Variants in HIVEP3 observed in about 807,000 individuals in gnomAD.
The protein encoded by HIVEP3 is transcription factor HIVEP3.
HIVEP3 carries 49 observed loss-of-function variants against 152.8 expected under a neutral mutation model. The ratio of observed to expected loss-of-function variants is 0.32; its 90% CI spans 0.26 to 0.41. The LOEUF (loss-of-function observed/expected upper bound fraction) is 0.41, where lower values mean the gene tolerates loss of function less well. Among genes scored for constraint, HIVEP3 ranks in the 10% least tolerant of loss-of-function variants. HIVEP3 has a pLI of 1.00. For synonymous variants in HIVEP3, 1,269 were observed against 1,289.0 expected, an observed-to-expected ratio of 0.98 and a Z score of 0.33; for missense variants, 2,790 against 3,103.3, an observed-to-expected ratio of 0.90 and a Z score of 2.40.
chr1:41,559,843 A>T (rs2149087598), intron 5 of HIVEP3, among the ~76,000 whole-genome samples: 2 of 152,350 alleles, frequency 1.3e-5, no homozygotes, highest in South Asian at 4.1e-4. Flanking sequence ...AGCACTTACT[A>T]TGTGCCACGT....
At chr1:41,613,049 G>A (rs7521323) in intron 3 of HIVEP3, among the ~76,000 whole-genome samples, 27 of 152,244 alleles carry the variant, frequency 1.8e-4, no homozygotes, top group African/African-American at 6.3e-4. Context: ...CAGGGCAGAG[G>A]ATTCCCTGGG....
chr1:42,013,141 G>A (rs1392173042), intron 1 of HIVEP3, among the ~76,000 whole-genome samples: 7 of 152,176 alleles, frequency 4.6e-5, no homozygotes. Flanking sequence ...TCCTTGGCTT[G>A]TAGGTGGCTG....
chr1:41,793,763 C>T (rs1212729578), intron 1 of HIVEP3, among the ~76,000 whole-genome samples: 1 of 152,148 alleles, frequency 6.6e-6, no homozygotes, highest in Non-Finnish European at 1.5e-5. Flanking sequence ...CCAGAAGGGT[C>T]TTAGCATATA....
intron 2 of HIVEP3, among the ~76,000 whole-genome samples, chr1:41,648,055 C>T (rs566463552): frequency 5.3e-5 from 8 of 152,228 alleles, no homozygotes; most frequent in Non-Finnish European, 1.2e-4. Flanking sequence ...CCTACCTTCT[C>T]CAAAAGCCCC....
chr1:41,802,077 T>C (rs187035066), intron 1 of HIVEP3, among the ~76,000 whole-genome samples: 10 of 152,310 alleles, frequency 6.6e-5, no homozygotes, highest in African/African-American at 1.9e-4. Flanking sequence ...GTTCAAACTC[T>C]GCTCAATGCT....
At chr1:41,594,848 C>T (rs2149118926) in intron 3 of HIVEP3, among the ~76,000 whole-genome samples, 1 of 152,296 alleles carries the variant, frequency 6.6e-6, no homozygotes, top group East Asian at 1.9e-4. Flanking sequence ...TTTTTTCCCT[C>T]CTTTCCTCTC....
chr1:41,922,921 C>T (rs1644948958), upstream of HIVEP3, among the ~76,000 whole-genome samples: 1 of 151,894 alleles, frequency 6.6e-6, no homozygotes. Flanking sequence ...CCTCTTCTTC[C>T]CAAGACCACA....
chr1:41,815,743 C>A (rs909944384), intron 1 of HIVEP3, among the ~76,000 whole-genome samples: 2 of 137,268 alleles, frequency 1.5e-5, no homozygotes, highest in African/African-American at 5.1e-5. Flanking sequence ...GGAATCGATG[C>A]TTTTTTATTG....
intron 1 of HIVEP3, among the ~76,000 whole-genome samples, chr1:41,945,343 G>A (rs191644379): frequency 9.2e-5 from 14 of 152,270 alleles, no homozygotes; most frequent in Admixed American, 5.2e-4. Flanking sequence ...CCAGCAGAGT[G>A]CATGTACCTT....
At chr1:41,550,484 T>C (rs962470818) in intron 5 of HIVEP3, among the ~76,000 whole-genome samples, 4 of 152,238 alleles carry the variant, frequency 2.6e-5, no homozygotes, top group African/African-American at 9.6e-5. Flanking sequence ...TTCACAATAT[T>C]GATTCTTCCT....
chr1:41,583,228 T>C lies in HIVEP3; in HGVS notation c.1570A>G (p.Ser524Gly). ...EKTKPEQSLL[S>G]LQHPPSTAPP... ...GCGGTACTGGGCGGGTGCTGGAGGC[T>C]CAGCAGTGATTGTTCAGGCTTGGTT... The change falls in exon 4 of 9, where the codon AGC becomes GGC. Residue 524 changes from serine to glycine, a missense_variant. Around this residue, in one of 9 missense-constraint regions of HIVEP3, gnomAD observed 134 missense variants for 242.5 expected, o/e 0.55. Transcript: ENST00000372583. This position sits in a 1 kb window ranked among gnomAD's most constrained non-coding sequence, Gnocchi z 6.9. The C allele has an allele frequency of 6.2e-7, 1 of 1,611,902 alleles. No individual in the cohort carries two copies. The highest frequency in any genetic ancestry group is 8.5e-7 in the Non-Finnish European group (1 of 1,178,774).
At chr1:41,815,192 G>A (rs1651190394) in intron 1 of HIVEP3, among the ~76,000 whole-genome samples, 1 of 152,166 alleles carries the variant, frequency 6.6e-6, no homozygotes, top group Non-Finnish European at 1.5e-5. Flanking sequence ...AGGCAGAAGG[G>A]GGTCAGGTGC....
At position 41,511,632 on chromosome 1, in the gene HIVEP3, C is replaced by T. The variant is rs1223185964; in HGVS notation, c.6406-366G>A. On this transcript the variant is annotated intron_variant, in intron 8 of 8. Coordinates refer to ENST00000372583, the MANE Select transcript of HIVEP3 (RefSeq NM_024503.5). The surrounding 1 kb of genome is among the most constrained non-coding windows in gnomAD (Gnocchi z 4.9). The stretch of plus-strand genomic sequence containing the variant: ...CTGCCTGTCCTGTTCCTAAAATGGT[C>T]TTCACCCAGCTTCACTCTTGGACAT... 6.6e-6 allele frequency among the ~76,000 whole-genome samples: 1 copy of T among 152,168 alleles called. No homozygotes were observed. The highest frequency in any genetic ancestry group is 1.5e-5 in the Non-Finnish European group (1 of 68,034).
upstream of HIVEP3, among the ~76,000 whole-genome samples, chr1:41,918,992 C>G (rs1644915732): frequency 1.3e-5 from 2 of 152,280 alleles, no homozygotes; most frequent in South Asian, 4.1e-4. The surrounding 1 kb of genome is among the most constrained non-coding windows in gnomAD (Gnocchi z 4.3). Flanking sequence ...AGCTGTCACT[C>G]CCAGCGCAGG....
At chr1:41,864,407 C>T (rs1643931643) in intron 1 of HIVEP3, among the ~76,000 whole-genome samples, 1 of 152,230 alleles carries the variant, frequency 6.6e-6, no homozygotes, top group Admixed American at 6.5e-5. Flanking sequence ...TCTAAAGCCC[C>T]GGAAAGAACA....
Position 41,662,502 on chromosome 1 carries a change from G to A in HIVEP3, c.-720-33555C>T, listed in dbSNP as rs573984597. 5.5e-3 allele frequency among the ~76,000 whole-genome samples: 825 copies of A among 150,006 alleles called. 5 individuals are homozygous for A. The highest frequency in any genetic ancestry group is 0.019 in the African/African-American group (760 of 40,896). On this transcript the variant is annotated intron_variant, in intron 2 of 8. Coordinates refer to ENST00000372583, the MANE Select transcript of HIVEP3 (RefSeq NM_024503.5). This position sits in a 1 kb window ranked among gnomAD's most constrained non-coding sequence, Gnocchi z 7.2. ...CACGGGGACCCCGCCGCCGGCCCGG[G>A]GCGCCTCTCCCGTCCGCTCGGCCTC... is the stretch of plus-strand genomic sequence containing the variant.
In HIVEP3 at chr1:41,625,885, A is replaced by G. The variant is rs866264640; in HGVS notation, c.-522+2864T>C. 2.0e-5 allele frequency among the ~76,000 whole-genome samples: 3 copies of G among 152,378 alleles called. No homozygotes were observed. In the South Asian group the frequency reaches 6.2e-4, roughly 32 times the overall value. On this transcript the variant is annotated intron_variant, in intron 3 of 8. Coordinates refer to ENST00000372583, the MANE Select transcript of HIVEP3 (RefSeq NM_024503.5). ...TTAAAAAATAATGTATTCATAAACC[A>G]TCATTTTAACCTGTTTTATATATTG...
At chr1:41,605,367 G>GCACACACA (rs759038416) in intron 3 of HIVEP3, among the ~76,000 whole-genome samples, 21 of 111,782 alleles carry the variant, frequency 1.9e-4, no homozygotes, top group African/African-American at 3.6e-4. Context: ...ATACACACAC[G>GCACACACA]CACACGCGCA....
chr1:41,955,432 G>T (rs547554317), intron 1 of HIVEP3, among the ~76,000 whole-genome samples: 1 of 152,162 alleles, frequency 6.6e-6, no homozygotes. Context: ...AGTTTAGAGG[G>T]CATAGTTAAA....
Sources: allele counts gnomAD v4.1 joint callset (sites outside exome capture counted in the v4.1 genomes callset), GRCh38; gene constraint gnomAD v4.1.1; regional missense constraint gnomAD v4.1.1; non-coding constraint Gnocchi (gnomAD v3.1); transcripts MANE v1.5; gene names NCBI Gene and HGNC (gene_info 2026-07-23, HGNC 2026-07-21).